GABRB2: variants seen among roughly 807,000 people sequenced by gnomAD.
GABRB2 encodes gamma-aminobutyric acid receptor subunit beta-2.
A neutral mutation model predicts 54.7 loss-of-function variants in GABRB2; 16 were observed. The ratio of observed to expected loss-of-function variants is 0.29; its 90% confidence interval spans 0.20 to 0.44. GABRB2 has a LOEUF of 0.44. GABRB2 is among the 20% of genes least tolerant of loss of function. The pLI is 1.00. For missense variants in GABRB2, 355 were observed against 644.0 expected (o/e 0.55, Z 4.86); for synonymous variants, 244 against 233.8 (o/e 1.04, Z -0.40).
intron 5 of GABRB2, among the ~76,000 whole-genome samples, chr5:161,341,971 A>ATATATATG (rs1326417978): frequency 1.9e-4 from 5 of 26,640 alleles, no homozygotes; most frequent in African/African-American, 3.5e-4. Context: ...ATATATATAC[A>ATATATATG]TACTTTATTA....
At chr5:161,310,712 T>C in intron 9 of GABRB2, among the ~76,000 whole-genome samples, 1 of 151,902 alleles carries the variant, frequency 6.6e-6, no homozygotes, top group East Asian at 1.9e-4. Flanking sequence ...TTTTTTAATA[T>C]CTTTTTCAAA....
At chr5:161,481,911 A>G (rs1173040771) in intron 3 of GABRB2, among the ~76,000 whole-genome samples, 5 of 151,998 alleles carry the variant, frequency 3.3e-5, no homozygotes, top group Admixed American at 6.6e-5. Flanking sequence ...AAATCCCTCA[A>G]TCATCACAAG....
intron 4 of GABRB2, among the ~76,000 whole-genome samples, chr5:161,423,628 C>CCA (rs1428287376): frequency 2.6e-5 from 4 of 152,030 alleles, no homozygotes; most frequent in African/African-American, 7.2e-5. Flanking sequence ...CCAGCCATAC[C>CCA]TATCTCTCTC....
At chr5:161,436,870 C>A (rs1355525389) in intron 4 of GABRB2, among the ~76,000 whole-genome samples, 1 of 152,084 alleles carries the variant, frequency 6.6e-6, no homozygotes, top group Non-Finnish European at 1.5e-5. Flanking sequence ...GAATTCAGTG[C>A]TGTCCTGTTA....
At chr5:161,378,574 G>C (rs1755375459) in intron 5 of GABRB2, among the ~76,000 whole-genome samples, 1 of 152,096 alleles carries the variant, frequency 6.6e-6, no homozygotes, top group Non-Finnish European at 1.5e-5. Context: ...CTGGGTTCAA[G>C]GTGATAATGG....
At chr5:161,496,898 T>C (rs1727982830) in intron 3 of GABRB2, among the ~76,000 whole-genome samples, 1 of 152,164 alleles carries the variant, frequency 6.6e-6, no homozygotes, top group Non-Finnish European at 1.5e-5. Flanking sequence ...AGTTTAATCA[T>C]ATATATGTAT....
At chr5:161,539,978 A>G (rs1386565367) in intron 3 of GABRB2, among the ~76,000 whole-genome samples, 2 of 152,214 alleles carry the variant, frequency 1.3e-5, no homozygotes, top group Non-Finnish European at 1.5e-5. Flanking sequence ...TCTTGGCTCC[A>G]TGTTAATGGC....
chr5:161,489,985 T>C (rs1432125358), intron 3 of GABRB2, among the ~76,000 whole-genome samples: 2 of 151,654 alleles, frequency 1.3e-5, no homozygotes, highest in South Asian at 2.1e-4. Context: ...ATGATTTCTG[T>C]AGTTAAGTCA....
At chr5:161,486,828 G>T (rs897559761) in intron 3 of GABRB2, among the ~76,000 whole-genome samples, 2 of 151,880 alleles carry the variant, frequency 1.3e-5, no homozygotes, top group African/African-American at 4.8e-5. Flanking sequence ...TGCCAGAAAG[G>T]TCATTGTGAT....
intron 3 of GABRB2, among the ~76,000 whole-genome samples, chr5:161,526,166 G>A (rs755965860): frequency 7.3e-5 from 11 of 151,342 alleles, no homozygotes; most frequent in Non-Finnish European, 1.3e-4. Flanking sequence ...TGAACTTCAT[G>A]CACAACTAAA....
chr5:161,300,124 G>A (rs1757494410), intron 9 of GABRB2, among the ~76,000 whole-genome samples: 1 of 152,150 alleles, frequency 6.6e-6, no homozygotes, highest in Admixed American at 6.5e-5. Flanking sequence ...AAGGTCAAGA[G>A]CAAAAGTATA....
At chr5:161,505,114 T>C (rs567412069) in intron 3 of GABRB2, among the ~76,000 whole-genome samples, 3 of 151,756 alleles carry the variant, frequency 2.0e-5, no homozygotes, top group South Asian at 2.1e-4. Flanking sequence ...CTTTTCTTTT[T>C]TTTTTTTTTT....
chr5:161,535,677 A>C (rs1305513745), intron 3 of GABRB2, among the ~76,000 whole-genome samples: 1 of 152,226 alleles, frequency 6.6e-6, no homozygotes, highest in Non-Finnish European at 1.5e-5. Flanking sequence ...AGTTTTTATA[A>C]GAGAACTGGT....
intron 9 of GABRB2, among the ~76,000 whole-genome samples, chr5:161,309,989 AG>A (rs2113362009): frequency 6.6e-6 from 1 of 152,364 alleles, no homozygotes; most frequent in Admixed American, 6.5e-5. Flanking sequence ...GCTATAAAAA[AG>A]AAAAACGTTA....
intron 5 of GABRB2, among the ~76,000 whole-genome samples, chr5:161,394,105 AT>A (rs1755922374): frequency 6.6e-6 from 1 of 152,098 alleles, no homozygotes; most frequent in Admixed American, 6.5e-5. Context: ...AAAACAATAC[AT>A]TTCCAAATAA....
chr5:161,428,033 C>T (rs2113165194), intron 4 of GABRB2, among the ~76,000 whole-genome samples: 1 of 152,220 alleles, frequency 6.6e-6, no homozygotes, highest in East Asian at 1.9e-4. Context: ...TCCCCTCTCC[C>T]CCTGCCCCAT....
chr5:161,369,012 G>C (rs890495306), intron 5 of GABRB2, among the ~76,000 whole-genome samples: 4 of 152,152 alleles, frequency 2.6e-5, no homozygotes, highest in Admixed American at 1.3e-4. Flanking sequence ...TTTTAAAAAA[G>C]AGAAGGCAGA....
intron 3 of GABRB2, among the ~76,000 whole-genome samples, chr5:161,480,825 T>C (rs1036197899): frequency 2.6e-5 from 4 of 152,014 alleles, no homozygotes; most frequent in African/African-American, 9.7e-5. Context: ...GCCACTTTTA[T>C]CCATTAAGAA....
intron 9 of GABRB2, among the ~76,000 whole-genome samples, chr5:161,305,001 A>ATTTTTTT (rs544511446): frequency 1.1e-5 from 1 of 95,142 alleles, no homozygotes; most frequent in Non-Finnish European, 2.0e-5. Flanking sequence ...TGATATATCA[A>ATTTTTTT]TTTTTTTTTT....
Sources: allele counts gnomAD v4.1 joint callset (sites outside exome capture counted in the v4.1 genomes callset), GRCh38; gene constraint gnomAD v4.1.1; transcripts MANE v1.5; gene names NCBI Gene and HGNC (gene_info 2026-07-23, HGNC 2026-07-21).